NXN: variants seen among roughly 807,000 people sequenced by gnomAD.
NXN encodes nucleoredoxin, also known as nucleoredoxin 1.
Under a neutral mutation model 48.6 loss-of-function variants are expected in NXN, and 16 were observed. That is an observed-to-expected ratio of 0.33 (90% confidence interval 0.22 to 0.50). The LOEUF is 0.50. Ranked by LOEUF, NXN falls within the 20% of genes least tolerant of loss-of-function variation. The probability of loss-of-function intolerance (pLI) is 0.98; values close to 1 mark genes in which losing one functional copy is unlikely to be tolerated. For synonymous variants in NXN, 281 were observed against 269.6 expected (o/e 1.04, Z -0.41); for missense variants, 492 against 605.5 (o/e 0.81, Z 1.97).
chr17:848,430 T>C (rs921025240), intron 1 of NXN, among the ~76,000 whole-genome samples: 9 of 152,318 alleles, frequency 5.9e-5, no homozygotes, highest in Non-Finnish European at 8.8e-5. Context: ...CGTGAGCCAC[T>C]GCGCCCAGCT....
chr17:948,348 CAAAG>C (rs2069069038), intron 1 of NXN, among the ~76,000 whole-genome samples: 2 of 151,612 alleles, frequency 1.3e-5, no homozygotes, highest in South Asian at 4.2e-4. Flanking sequence ...AGAAAGAAAA[CAAAG>C]GAAACAAAAC....
chr17:842,653 C>T lies in NXN; in HGVS notation c.361-16575G>A. 3 of 753,510 alleles carry T rather than the reference C, an allele frequency of 4.0e-6. No homozygotes were observed. In the South Asian group the frequency reaches 1.8e-4, roughly 45 times the overall value. The allele number at this position is 753,510 out of a possible 1,614,324, so 46.7% of individuals were successfully genotyped here. On this transcript the variant is annotated intron_variant, in intron 1 of 7. Transcript: ENST00000336868. ...AACTTCCGTTCAGAAAGTGCACCTT[C>T]AGGGCAGGGTGCAGTGGCTCATGCC... is the stretch of plus-strand genomic sequence containing the variant.
chr17:879,401 C>T (rs988868707), intron 1 of NXN, among the ~76,000 whole-genome samples: 15 of 151,228 alleles, frequency 9.9e-5, no homozygotes, highest in African/African-American at 1.2e-4. Context: ...GCGATTCTCC[C>T]GCCTCAGCCT....
intron 1 of NXN, among the ~76,000 whole-genome samples, chr17:891,778 A>ACAGCCCATCAGG (rs1567851214): frequency 2.0e-4 from 25 of 123,466 alleles, no homozygotes; most frequent in South Asian, 7.3e-4. Context: ...CCCACCATGC[A>ACAGCCCATCAGG]GAACCCAACA....
rs527517142 is a variant in NXN at position 958,096 on chromosome 17, T to C, written c.360+21223A>G. On this transcript the variant is annotated intron_variant, in intron 1 of 7. Coordinates refer to ENST00000336868, the MANE Select transcript of NXN (RefSeq NM_022463.5). This position sits in a 1 kb window ranked among gnomAD's most constrained non-coding sequence, Gnocchi z 6.9. ...AAATGAACCCTCTCCGTCTCAACTT[T>C]CCCCTTCCTTCCCACACGGCTATTT... Among the ~76,000 whole-genome samples the C allele has an allele frequency of 2.4e-4, 37 of 152,256 alleles. No homozygotes were observed. Among genetic ancestry groups the C allele is most frequent in the Middle Eastern group, 3.4e-3 (1 of 294 alleles).
At chr17:963,176 T>C (rs1369921536) in intron 1 of NXN, among the ~76,000 whole-genome samples, 2 of 143,518 alleles carry the variant, frequency 1.4e-5, no homozygotes, top group Non-Finnish European at 3.0e-5. Flanking sequence ...TTTAAAAGGC[T>C]TGATTTAAAA....
intron 1 of NXN, among the ~76,000 whole-genome samples, chr17:877,512 T>C (rs2068229873): frequency 6.6e-6 from 1 of 152,200 alleles, no homozygotes; most frequent in Non-Finnish European, 1.5e-5. Context: ...TGTGAAGCCC[T>C]GTGCTAAAGG....
At chr17:950,566 G>A (rs897776619) in intron 1 of NXN, among the ~76,000 whole-genome samples, 22 of 151,616 alleles carry the variant, frequency 1.5e-4, no homozygotes, top group African/African-American at 5.3e-4. Flanking sequence ...TGGTGTTCAG[G>A]GGTGGGTGGG....
intron 1 of NXN, chr17:878,386 G>A (rs1031605547): frequency 7.9e-5 from 11 of 139,442 alleles, no homozygotes; most frequent in African/African-American, 3.0e-4. Flanking sequence ...GCGGGGCAGG[G>A]GTTGCCCTTG....
intron 5 of NXN, among the ~76,000 whole-genome samples, chr17:811,928 T>C (rs1912043093): frequency 7.4e-6 from 1 of 135,996 alleles, no homozygotes; most frequent in African/African-American, 2.8e-5. Context: ...TGCTTTTTTT[T>C]TTTTTTTTTT....
intron 5 of NXN, among the ~76,000 whole-genome samples, chr17:810,028 A>C (rs77371838): frequency 0.04 from 2,657 of 66,942 alleles, 107 homozygotes; most frequent in East Asian, 0.19. Context: ...GTGCACGTTA[A>C]GAGTCCGTGT....
rs72810286 is a variant in NXN, at chr17:819,449, G to A, written c.810C>T (p.Tyr270=). 1.4e-3 allele frequency: 2,284 copies of A among 1,613,882 alleles called. 1 individual carries two copies. Among genetic ancestry groups the A allele is most frequent in the Non-Finnish European group, 1.6e-3 (1,904 of 1,179,794 alleles). Residue 270 remains tyrosine, a synonymous_variant, in exon 5 of 8, where the codon TAC becomes TAT. Transcript: ENST00000336868. The part of the protein sequence containing the change: ...EARRSRLNRL[Y]GIQGIPTLIM... ...GCCTGGAGCGCCTACCTTGGATTCC[G>A]TACAGCCGGTTGAGGCGCGACCGCC...
At chr17:945,051 T>G (rs527669529) in intron 1 of NXN, among the ~76,000 whole-genome samples, 3 of 152,090 alleles carry the variant, frequency 2.0e-5, no homozygotes, top group African/African-American at 7.2e-5. Context: ...GCCAGGCAAG[T>G]GCATGGAGGA....
chr17:802,742 CCAGGTG>C (rs1005808268), intron 7 of NXN, among the ~76,000 whole-genome samples: 2 of 152,270 alleles, frequency 1.3e-5, no homozygotes, highest in African/African-American at 4.8e-5. Context: ...TGGGAAGGAC[CCAGGTG>C]CTGGGCTGGG....
intron 1 of NXN, among the ~76,000 whole-genome samples, chr17:979,108 A>AGG (rs370371306): frequency 4.9e-5 from 3 of 60,878 alleles, no homozygotes; most frequent in East Asian, 6.4e-4. Context: ...ACAGCGCGGA[A>AGG]GGGGGGGGGG....
At chr17:823,831 C>T in intron 2 of NXN, 66 bp from the exon 3 acceptor site, 2 of 1,578,142 alleles carry the variant, frequency 1.3e-6, no homozygotes, top group Non-Finnish European at 1.7e-6. Flanking sequence ...ACCCAGGAGA[C>T]TTCAGAGCGG....
chr17:820,220 A>G (rs113009792), intron 4 of NXN, among the ~76,000 whole-genome samples: 12,059 of 152,280 alleles, frequency 0.079, 615 homozygotes, highest in Middle Eastern at 0.13. Flanking sequence ...TGGTGGTAAC[A>G]TGGTACGTAC....
At position 825,902 on chromosome 17, in the gene NXN, G is replaced by A. The variant is rs1329311638; in HGVS notation, c.478+59C>T. On this transcript the variant is annotated intron_variant, in intron 2 of 7. Transcript: ENST00000336868. This position sits in a 1 kb window ranked among gnomAD's most constrained non-coding sequence, Gnocchi z 4.1. ...CCGGTGGGACGGAGATTAGCCTAAGGGCATGGAGGAGGGAGGGCTGGGTAA... is the reference window on the plus strand; with the variant it reads ...CCGGTGGGACGGAGATTAGCCTAAGAGCATGGAGGAGGGAGGGCTGGGTAA... The A allele has an allele frequency of 9.2e-7, 1 of 1,085,300 alleles. No individual in the cohort carries two copies. The highest frequency in any genetic ancestry group is 1.8e-5 in the Admixed American group (1 of 54,324). The allele number at this position is 1,085,300 out of a possible 1,614,324, so 67.2% of individuals were successfully genotyped here.
chr17:961,057 T>G (rs1250196851), intron 1 of NXN, among the ~76,000 whole-genome samples: 1 of 151,792 alleles, frequency 6.6e-6, no homozygotes. Flanking sequence ...GTGCTGGGAT[T>G]ACAGCCGTGA....
Sources: gnomAD v4.1 joint callset for allele counts (sites outside exome capture counted in the v4.1 genomes callset) on GRCh38, gnomAD v4.1.1 for gene constraint, Gnocchi (gnomAD v3.1) non-coding constraint, MANE v1.5 for transcripts, NCBI Gene and HGNC (gene_info 2026-07-23, HGNC 2026-07-21) for gene names.